The following FUT9 variants were observed in gnomAD, a reference collection of about 807,000 sequenced individuals.
FUT9 encodes fucosyltransferase 9.
FUT9 carries 15 observed loss-of-function variants against 29.7 expected under a neutral mutation model. That is an observed-to-expected ratio of 0.51 (90% CI 0.34 to 0.78). The LOEUF is 0.78. FUT9 is among the 30% of genes least tolerant of loss of function. The pLI, the probability that FUT9 is intolerant of heterozygous loss-of-function variation, is 0.01. For missense variants in FUT9, 319 were observed against 425.4 expected (o/e 0.75, Z 2.20); for synonymous variants, 169 against 153.7 (o/e 1.10, Z -0.74).
intron 1 of FUT9, among the ~76,000 whole-genome samples, chr6:96,091,159 A>G (rs554941612): frequency 3.9e-5 from 6 of 152,010 alleles, no homozygotes; most frequent in South Asian, 2.1e-4. Context: ...AACTTCACCA[A>G]CTGAAGGAGA....
intron 2 of FUT9, among the ~76,000 whole-genome samples, chr6:96,149,011 C>A (rs1425108142): frequency 6.6e-6 from 1 of 151,930 alleles, no homozygotes; most frequent in African/African-American, 2.4e-5. Context: ...CAAAAATTAG[C>A]CAGGTGTGGT....
intron 1 of FUT9, among the ~76,000 whole-genome samples, chr6:96,063,892 A>G (rs1770917490): frequency 1.3e-5 from 2 of 152,222 alleles, no homozygotes. Flanking sequence ...TAAAGTCTTT[A>G]TAATTGAATT....
At chr6:96,021,971 T>C (rs1291944265) in intron 1 of FUT9, among the ~76,000 whole-genome samples, 1 of 152,084 alleles carries the variant, frequency 6.6e-6, no homozygotes, top group African/African-American at 2.4e-5. Context: ...CTTCAATTTT[T>C]ACATGAGAGG....
chr6:96,074,800 A>T, intron 1 of FUT9, among the ~76,000 whole-genome samples: 1 of 152,098 alleles, frequency 6.6e-6, no homozygotes, highest in East Asian at 1.9e-4. Flanking sequence ...TTTAAGAGAC[A>T]GGGTCTCATT....
chr6:96,017,940 T>C (rs573597580), intron 1 of FUT9, among the ~76,000 whole-genome samples: 2 of 152,312 alleles, frequency 1.3e-5, no homozygotes, highest in Non-Finnish European at 2.9e-5. Context: ...CCTTCTCCAA[T>C]GTCAGGAATT....
chr6:96,161,504 T>C (rs1358787529), intron 2 of FUT9, among the ~76,000 whole-genome samples: 1 of 152,170 alleles, frequency 6.6e-6, no homozygotes, highest in Non-Finnish European at 1.5e-5. Context: ...TAGATACAGA[T>C]AAATATAGAT....
intron 1 of FUT9, among the ~76,000 whole-genome samples, chr6:96,111,242 G>A (rs1254413280): frequency 2.0e-5 from 3 of 152,164 alleles, no homozygotes; most frequent in Admixed American, 2.0e-4. Context: ...CAGAAATTGA[G>A]TGTCTCTTTC....
rs577000179 is a variant in FUT9, at chr6:96,211,407, A to G, written c.*7172A>G. 6 of 167,002 alleles carry G rather than the reference A, an allele frequency of 3.6e-5. No homozygotes were observed. Among genetic ancestry groups the G allele is most frequent in the African/African-American group, 1.4e-4 (6 of 41,556 alleles). 10.3% of individuals were successfully genotyped at this position (167,002 alleles called of 1,614,324 possible). On this transcript the variant is annotated 3_prime_UTR_variant, in exon 3 of 3. Transcript: ENST00000302103. ...TCAGAGATCATTTTCTGGTAAAGAAAAAGGCCTAGCAATATTTAACAGTTT... is the reference window on the plus strand; with the variant it reads ...TCAGAGATCATTTTCTGGTAAAGAAGAAGGCCTAGCAATATTTAACAGTTT...
At chr6:96,145,536 T>A (rs1772550222) in intron 2 of FUT9, among the ~76,000 whole-genome samples, 1 of 152,084 alleles carries the variant, frequency 6.6e-6, no homozygotes, top group Non-Finnish European at 1.5e-5. Context: ...TGATGTATAG[T>A]GTGTTGGATA....
In FUT9 at chr6:96,049,041, A is replaced by C. The variant is rs188454845; in HGVS notation, c.-98+32829A>C. ...GTTTTGTTGTGAGTTCCTACATGTA[A>C]AATTATTTGAATAGTGCCTGACACA... On this transcript the variant is annotated intron_variant, in intron 1 of 2. Transcript: ENST00000302103. Among the ~76,000 whole-genome samples the C allele has an allele frequency of 5.4e-3, 823 of 152,324 alleles. 4 individuals are homozygous for C. The highest frequency in any genetic ancestry group is 0.019 in the African/African-American group (785 of 41,572).
chr6:96,104,688 G>T (rs1280575644), intron 1 of FUT9, among the ~76,000 whole-genome samples: 1 of 151,928 alleles, frequency 6.6e-6, no homozygotes, highest in Non-Finnish European at 1.5e-5. Context: ...CTGCCATCAC[G>T]CCCGGCACAT....
intron 1 of FUT9, among the ~76,000 whole-genome samples, chr6:96,077,032 C>G (rs1322156440): frequency 1.3e-5 from 2 of 152,076 alleles, no homozygotes; most frequent in African/African-American, 4.8e-5. Flanking sequence ...AGTAAAGGAA[C>G]ACTTCCATTC....
intron 1 of FUT9, among the ~76,000 whole-genome samples, chr6:96,076,071 TG>T (rs1771137991): frequency 6.6e-6 from 1 of 152,144 alleles, no homozygotes; most frequent in South Asian, 2.1e-4. Flanking sequence ...AAGTGAGCTG[TG>T]ACTCAGGGCA....
intron 2 of FUT9, among the ~76,000 whole-genome samples, chr6:96,129,124 G>A (rs906344188): frequency 6.6e-6 from 1 of 151,540 alleles, no homozygotes; most frequent in East Asian, 1.9e-4. Flanking sequence ...AAATAGCTGG[G>A]CGTGGTGGCG....
intron 1 of FUT9, among the ~76,000 whole-genome samples, chr6:96,104,117 T>A (rs1482431697): frequency 2.0e-5 from 3 of 152,186 alleles, no homozygotes; most frequent in Admixed American, 6.5e-5. Flanking sequence ...ATGTACTGAA[T>A]AATGTACACA....
chr6:96,190,900 C>G (rs1400239332), intron 2 of FUT9, among the ~76,000 whole-genome samples: 1 of 152,170 alleles, frequency 6.6e-6, no homozygotes, highest in East Asian at 1.9e-4. Context: ...GCCTTCTTCT[C>G]TCAACTTGTC....
intron 1 of FUT9, among the ~76,000 whole-genome samples, chr6:96,073,081 C>T (rs986157829): frequency 3.3e-5 from 5 of 152,092 alleles, no homozygotes; most frequent in Admixed American, 6.5e-5. Context: ...GGGAACACCA[C>T]GTTATTTCTA....
At chr6:96,202,569 T>A (rs1038260135) in intron 2 of FUT9, among the ~76,000 whole-genome samples, 1 of 152,188 alleles carries the variant, frequency 6.6e-6, no homozygotes, top group African/African-American at 2.4e-5. Flanking sequence ...TTTAAAAATG[T>A]ATCAAATCAA....
At chr6:96,085,302 A>T (rs1771297140) in intron 1 of FUT9, among the ~76,000 whole-genome samples, 1 of 152,192 alleles carries the variant, frequency 6.6e-6, no homozygotes, top group Non-Finnish European at 1.5e-5. Flanking sequence ...CTAGATCAAG[A>T]TGCCAGCAGA....
Sources: allele counts gnomAD v4.1 joint callset (sites outside exome capture counted in the v4.1 genomes callset), GRCh38; gene constraint gnomAD v4.1.1; transcripts MANE v1.5; gene names NCBI Gene and HGNC (gene_info 2026-07-23, HGNC 2026-07-21).